The following NTRK2 variants were observed in gnomAD, a reference collection of about 807,000 sequenced individuals.
NTRK2 encodes the protein BDNF/NT-3 growth factors receptor.
In NTRK2, 13 loss-of-function variants were observed where a neutral mutation model predicts 94.5. The observed-to-expected ratio is 0.14, with a 90% CI of 0.09 to 0.22. NTRK2 has a LOEUF of 0.22. Ranked by LOEUF, NTRK2 falls within the 10% of genes least tolerant of loss-of-function variation. The pLI, the probability that NTRK2 is intolerant of heterozygous loss-of-function variation, is 1.00. For missense variants in NTRK2, 639 were observed against 1,071.2 expected (o/e 0.60, Z 5.63); for synonymous variants, 372 against 407.4 (o/e 0.91, Z 1.05).
chr9:84,902,756 G>A (rs1261705471), intron 14 of NTRK2, among the ~76,000 whole-genome samples: 1 of 152,136 alleles, frequency 6.6e-6, no homozygotes, highest in East Asian at 1.9e-4. Flanking sequence ...TGTGATAACA[G>A]AGACACCCTG....
intron 17 of NTRK2, among the ~76,000 whole-genome samples, chr9:84,967,405 A>T (rs1189363373): frequency 6.6e-6 from 1 of 152,256 alleles, no homozygotes; most frequent in African/African-American, 2.4e-5. Context: ...AGGAAATGCA[A>T]GAAAAGGCTT....
intron 15 of NTRK2, among the ~76,000 whole-genome samples, chr9:84,944,209 T>TCACACACACACACA (rs1482521508): frequency 2.4e-4 from 33 of 140,286 alleles, no homozygotes; most frequent in African/African-American, 8.5e-4. Context: ...TCTCTCTCTC[T>TCACACACACACACA]CTCTCTCACA....
At chr9:84,903,678 C>G (rs143490206) in intron 14 of NTRK2, among the ~76,000 whole-genome samples, 7 of 151,942 alleles carry the variant, frequency 4.6e-5, no homozygotes. Context: ...TTTCTCATTT[C>G]TTCCTTCTTT....
chr9:84,894,168 GAATATATTTTTATAACAC>G (rs2076687112), intron 14 of NTRK2, among the ~76,000 whole-genome samples: 1 of 150,352 alleles, frequency 6.7e-6, no homozygotes, highest in African/African-American at 2.5e-5. Flanking sequence ...CTATTTGGGA[GAATATATTTTTATAACAC>G]ATTGAATAGT....
At chr9:84,828,568 C>T (rs1300011623) in intron 12 of NTRK2, among the ~76,000 whole-genome samples, 1 of 152,104 alleles carries the variant, frequency 6.6e-6, no homozygotes, top group East Asian at 1.9e-4. Flanking sequence ...CAGATGGCCT[C>T]ATTAGTACAA....
intron 9 of NTRK2, among the ~76,000 whole-genome samples, chr9:84,731,156 C>T (rs1219678676): frequency 6.6e-6 from 1 of 152,128 alleles, no homozygotes; most frequent in African/African-American, 2.4e-5. Context: ...GATTTCTGCT[C>T]GGGCGCGCTG....
chr9:84,889,606 T>C (rs1157943643), intron 14 of NTRK2, among the ~76,000 whole-genome samples: 1 of 151,928 alleles, frequency 6.6e-6, no homozygotes, highest in Non-Finnish European at 1.5e-5. Context: ...AGAGACGAGG[T>C]TTCACCCTGT....
chr9:84,814,100 A>T, intron 12 of NTRK2: 4 of 1,065,366 alleles, frequency 3.8e-6, no homozygotes, highest in Non-Finnish European at 4.5e-6. Flanking sequence ...CCCAGCAGGG[A>T]CTGATTTCAT....
At chr9:84,683,597 GC>G (rs964718798) in intron 2 of NTRK2, among the ~76,000 whole-genome samples, 7 of 152,002 alleles carry the variant, frequency 4.6e-5, no homozygotes, top group Non-Finnish European at 8.8e-5. Context: ...TCATTGATGG[GC>G]ATTTTGGTTG....
intron 6 of NTRK2, among the ~76,000 whole-genome samples, chr9:84,722,577 C>T (rs1466774834): frequency 1.3e-5 from 2 of 151,756 alleles, no homozygotes; most frequent in African/African-American, 4.8e-5. Flanking sequence ...GACTATAGTC[C>T]CAAGCAGAGT....
At chr9:84,914,517 C>T (rs2077337663) in intron 14 of NTRK2, among the ~76,000 whole-genome samples, 1 of 152,184 alleles carries the variant, frequency 6.6e-6, no homozygotes, top group Admixed American at 6.5e-5. Context: ...GACTCTGACA[C>T]ATTACTGCCA....
intron 8 of NTRK2, among the ~76,000 whole-genome samples, chr9:84,726,809 A>G (rs2062495122): frequency 6.6e-6 from 1 of 152,210 alleles, no homozygotes; most frequent in Non-Finnish European, 1.5e-5. Flanking sequence ...TTTTGTAATT[A>G]CCAAAGCCAG....
intron 17 of NTRK2, among the ~76,000 whole-genome samples, chr9:85,016,041 A>G (rs1005596937): frequency 6.6e-6 from 1 of 152,246 alleles, no homozygotes. Flanking sequence ...GCTGTAGAGC[A>G]TAACTGTTGG....
At chr9:84,944,264 C>CT (rs1209056623) in intron 15 of NTRK2, among the ~76,000 whole-genome samples, 6,161 of 127,016 alleles carry the variant, frequency 0.049, 262 homozygotes, top group Non-Finnish European at 0.062. Flanking sequence ...GTCTAGCATT[C>CT]TTTTTTTTTT....
intron 15 of NTRK2, among the ~76,000 whole-genome samples, chr9:84,945,337 G>C (rs1049814476): frequency 1.3e-5 from 2 of 152,098 alleles, no homozygotes; most frequent in Admixed American, 1.3e-4. Context: ...GTGATAAAAG[G>C]GTGAACAGGA....
chr9:84,756,339 A>G (rs1588397939), intron 12 of NTRK2, among the ~76,000 whole-genome samples: 1 of 152,138 alleles, frequency 6.6e-6, no homozygotes, highest in Admixed American at 6.5e-5. Flanking sequence ...CCGTGTCTTC[A>G]CTGAAGACGT....
chr9:84,991,275 A>G (rs1829027445), intron 17 of NTRK2, among the ~76,000 whole-genome samples: 1 of 152,230 alleles, frequency 6.6e-6, no homozygotes, highest in African/African-American at 2.4e-5. Context: ...TTTACTGAGT[A>G]CATAGGTAGC....
chr9:84,680,111 T>G (rs1418821994), intron 2 of NTRK2, among the ~76,000 whole-genome samples: 1 of 152,194 alleles, frequency 6.6e-6, no homozygotes, highest in East Asian at 1.9e-4. Flanking sequence ...CTTGGTGGAA[T>G]AGTTTGTCAC....
chr9:84,893,844 A>C (rs1016307363), intron 14 of NTRK2, among the ~76,000 whole-genome samples: 2 of 152,194 alleles, frequency 1.3e-5, no homozygotes, highest in Non-Finnish European at 2.9e-5. Flanking sequence ...AGCTGAAGTT[A>C]TCTTTAAGAG....
Sources: allele counts gnomAD v4.1 joint callset (sites outside exome capture counted in the v4.1 genomes callset), GRCh38; gene constraint gnomAD v4.1.1; transcripts MANE v1.5; gene names NCBI Gene and HGNC (gene_info 2026-07-23, HGNC 2026-07-21).